ANKRD44: variants seen among roughly 807,000 people sequenced by gnomAD.
ANKRD44 encodes ankyrin repeat domain 44.
ANKRD44 carries 35 observed loss-of-function variants against 116.0 expected under a neutral mutation model. That is an observed-to-expected ratio of 0.30 (90% CI 0.23 to 0.40). ANKRD44 has a LOEUF of 0.40. Ranked by LOEUF, ANKRD44 falls within the 10% of genes least tolerant of loss-of-function variation. The probability of loss-of-function intolerance (pLI) is 1.00; values close to 1 mark genes in which losing one functional copy is unlikely to be tolerated. For missense variants in ANKRD44, 1,014 were observed against 1,242.6 expected (o/e 0.82, Z 2.77); for synonymous variants, 435 against 461.8 (o/e 0.94, Z 0.74).
chr2:197,279,048 G>A (rs2083188496), intron 1 of ANKRD44, among the ~76,000 whole-genome samples: 1 of 152,152 alleles, frequency 6.6e-6, no homozygotes, highest in Non-Finnish European at 1.5e-5. Context: ...TTTTTCTTAT[G>A]GTTTCAGGCT....
chr2:197,028,065 G>A (rs1341402130), intron 16 of ANKRD44, among the ~76,000 whole-genome samples: 1 of 152,052 alleles, frequency 6.6e-6, no homozygotes, highest in Non-Finnish European at 1.5e-5. Context: ...CAAAATGGAG[G>A]AAGCTATTAG....
At chr2:197,283,191 G>C (rs898752126) in intron 1 of ANKRD44, among the ~76,000 whole-genome samples, 2 of 152,168 alleles carry the variant, frequency 1.3e-5, no homozygotes, top group African/African-American at 4.8e-5. Context: ...TGATGTCTCT[G>C]AGTTTGGTTA....
intron 16 of ANKRD44, among the ~76,000 whole-genome samples, chr2:197,041,249 G>A (rs1448441450): frequency 2.0e-5 from 3 of 152,144 alleles, no homozygotes; most frequent in Non-Finnish European, 4.4e-5. Context: ...CTTAGGCTCC[G>A]AGACTGAGAA....
chr2:197,301,208 T>C (rs1401980815), intron 1 of ANKRD44: 2 of 152,262 alleles, frequency 1.3e-5, no homozygotes, highest in African/African-American at 4.8e-5. Flanking sequence ...TCTGTCTGGT[T>C]TCTATTTTAT....
chr2:197,231,240 T>A (rs1033530262), intron 1 of ANKRD44, among the ~76,000 whole-genome samples: 4 of 152,010 alleles, frequency 2.6e-5, no homozygotes, highest in Non-Finnish European at 5.9e-5. Context: ...CTGGGCAACA[T>A]AGCAAGACCC....
chr2:197,217,282 T>A (rs1350644018), intron 1 of ANKRD44, among the ~76,000 whole-genome samples: 1 of 152,174 alleles, frequency 6.6e-6, no homozygotes, highest in Non-Finnish European at 1.5e-5. Flanking sequence ...AAATATAACA[T>A]AAATGCTACC....
At position 197,000,403 on chromosome 2, in the gene ANKRD44, G is replaced by C. The variant is rs1417182333; in HGVS notation, c.2519+16C>G. 6.2e-7 allele frequency: 1 copy of C among 1,604,832 alleles called. No homozygotes were observed. Among genetic ancestry groups the C allele is most frequent in the Admixed American group, 1.7e-5 (1 of 59,968 alleles). ...AGATTCATCAAGAAAAAAGCATGCT[G>C]TTTTAGATTACTTACCTGCCTTTGT... is the stretch of plus-strand genomic sequence containing the variant. On this transcript the variant is annotated intron_variant, in intron 23 of 27. Coordinates refer to ENST00000282272, the MANE Select transcript of ANKRD44 (RefSeq NM_001195144.2).
intron 16 of ANKRD44, chr2:197,028,985 T>C (rs1421990434): frequency 6.4e-6 from 1 of 157,424 alleles, no homozygotes; most frequent in African/African-American, 2.4e-5. Context: ...ATTTTTATTA[T>C]TATTATTATC....
chr2:197,167,264 T>G (rs1261806099), intron 2 of ANKRD44, among the ~76,000 whole-genome samples: 1 of 152,198 alleles, frequency 6.6e-6, no homozygotes, highest in Non-Finnish European at 1.5e-5. Context: ...TTTTTATTCT[T>G]TCATAAACTT....
chr2:197,008,967 GACC>G lies in ANKRD44; in HGVS notation c.1986_1988del (p.Val663del). On this transcript the variant is annotated inframe_deletion, in exon 19 of 28. Transcript: ENST00000282272. Reference sequence around the variant, plus strand: ...ACTGTCCTTTGGCATCTTTCACATCGACCGCCTCCGGGTTGTCTGCAATTTCTA... The same window carrying G: ...ACTGTCCTTTGGCATCTTTCACATCGGCCTCCGGGTTGTCTGCAATTTCTA... 6.2e-7 allele frequency: 1 copy of G among 1,614,048 alleles called. No individual in the cohort carries two copies. Among genetic ancestry groups the G allele is most frequent in the Non-Finnish European group, 8.5e-7 (1 of 1,179,980 alleles).
chr2:197,073,897 A>G (rs2077611037), intron 16 of ANKRD44, among the ~76,000 whole-genome samples: 1 of 152,222 alleles, frequency 6.6e-6, no homozygotes, highest in African/African-American at 2.4e-5. Context: ...GAAATGTTCT[A>G]TTTTAACACA....
At chr2:197,100,349 C>T (rs577761386) in intron 9 of ANKRD44, among the ~76,000 whole-genome samples, 24 of 152,202 alleles carry the variant, frequency 1.6e-4, no homozygotes, top group Non-Finnish European at 2.9e-4. Flanking sequence ...GCAGGAGAAT[C>T]GCTTGGACCT....
chr2:197,031,461 A>G (rs1312378485), intron 16 of ANKRD44, among the ~76,000 whole-genome samples: 1 of 152,118 alleles, frequency 6.6e-6, no homozygotes, highest in Non-Finnish European at 1.5e-5. Flanking sequence ...CTCTTGCCTC[A>G]CCCTCCTGAG....
At chr2:197,100,501 T>C (rs2078267715) in intron 9 of ANKRD44, among the ~76,000 whole-genome samples, 1 of 152,190 alleles carries the variant, frequency 6.6e-6, no homozygotes, top group Non-Finnish European at 1.5e-5. Context: ...TTGTCTTAGT[T>C]AAGAATCCAA....
intron 3 of ANKRD44, among the ~76,000 whole-genome samples, chr2:197,141,814 C>A (rs1469972985): frequency 1.3e-5 from 2 of 152,228 alleles, no homozygotes; most frequent in African/African-American, 4.8e-5. Flanking sequence ...TCATCTCTTG[C>A]TGCCAGCTTC....
intron 16 of ANKRD44, among the ~76,000 whole-genome samples, chr2:197,026,202 ACT>A (rs2076592214): frequency 1.3e-5 from 2 of 152,222 alleles, no homozygotes; most frequent in Admixed American, 1.3e-4. Flanking sequence ...GTGCCCTGAC[ACT>A]GTTCCCTGCA....
intron 21 of ANKRD44, among the ~76,000 whole-genome samples, chr2:196,977,530 G>A (rs1301871454): frequency 6.6e-6 from 1 of 152,190 alleles, no homozygotes; most frequent in South Asian, 2.1e-4. Flanking sequence ...TTAAAAATGG[G>A]CAAAGGATTT....
chr2:197,184,631 C>G (rs552934110), intron 2 of ANKRD44, among the ~76,000 whole-genome samples: 1 of 99,480 alleles, frequency 1.0e-5, no homozygotes, highest in African/African-American at 3.9e-5. Flanking sequence ...CTGAGCGAGA[C>G]TCCATCTCAA....
intron 17 of ANKRD44, chr2:197,015,567 A>C: frequency 1.9e-6 from 1 of 518,462 alleles, no homozygotes; most frequent in South Asian, 2.2e-5. Flanking sequence ...GTGGTAGAGG[A>C]AACTTTGGAG....
Sources: allele counts gnomAD v4.1 joint callset (sites outside exome capture counted in the v4.1 genomes callset), GRCh38; gene constraint gnomAD v4.1.1; transcripts MANE v1.5; gene names NCBI Gene and HGNC (gene_info 2026-07-23, HGNC 2026-07-21).